Variants in POLN observed in about 807,000 individuals in gnomAD.
The protein encoded by POLN is DNA polymerase N.
A neutral mutation model predicts 113.5 loss-of-function variants in POLN; 108 were observed. The observed-to-expected ratio is 0.95, with a 90% CI of 0.81 to 1.12. The LOEUF is 1.12. Among genes scored for constraint, POLN ranks in the 50% most tolerant of loss-of-function variants. The pLI is 0.00. For missense variants in POLN, 1,097 were observed against 1,077.1 expected (o/e 1.02, Z -0.26); for synonymous variants, 386 against 391.5 (o/e 0.99, Z 0.17).
chr4:2,227,611 A>C (rs926082288), intron 3 of POLN: 3 of 152,208 alleles, frequency 2.0e-5, no homozygotes, highest in African/African-American at 7.2e-5. Flanking sequence ...TAACCTTAAC[A>C]AACAAAAGCC....
intron 24 of POLN, 139 bp downstream of exon 24, chr4:2,075,313 G>A: frequency 2.1e-6 from 2 of 951,518 alleles, no homozygotes; most frequent in Non-Finnish European, 3.1e-6. Context: ...GGACCCAGGT[G>A]ACACAGCAGC....
intron 23 of POLN, chr4:2,080,413 G>A (rs1206930216): frequency 1.8e-6 from 2 of 1,082,122 alleles, no homozygotes; most frequent in African/African-American, 3.4e-5. Flanking sequence ...TGGGCTCGGG[G>A]GTGGGGGCAG....
At chr4:2,239,142 G>A (rs189296051) in intron 2 of POLN, 1 of 586,342 alleles carries the variant, frequency 1.7e-6, no homozygotes, top group Admixed American at 3.6e-5. Context: ...CAGATAATAA[G>A]CTCAATGAAT....
At chr4:2,164,975 G>C (rs1057509187) in intron 13 of POLN, among the ~76,000 whole-genome samples, 6 of 152,012 alleles carry the variant, frequency 3.9e-5, no homozygotes, top group Admixed American at 1.3e-4. Context: ...TTCATTGTTG[G>C]TGGGAATGCA....
chr4:2,235,130 C>T (rs1177126011), intron 2 of POLN, among the ~76,000 whole-genome samples: 4 of 152,308 alleles, frequency 2.6e-5, no homozygotes, highest in East Asian at 3.9e-4. Context: ...GTGATCCACC[C>T]GCCTCAGCCT....
intron 16 of POLN, among the ~76,000 whole-genome samples, chr4:2,142,781 A>T (rs1207244813): frequency 1.3e-5 from 2 of 151,868 alleles, no homozygotes; most frequent in African/African-American, 4.8e-5. Flanking sequence ...TAACTATACT[A>T]CTCCAGCCAA....
chr4:2,207,995 C>T lies in POLN; in HGVS notation c.706G>A (p.Ala236Thr). ...CATCACTGTTTACTAACCTGGTCAG[C>T]TCCTAGCTGGGTGGAACCATCAGTA... ...MYTDGSTQLG[A>T]DQTPVSSVRG... The change falls in exon 5 of 26, where the codon GCT (alanine) becomes ACT (threonine). Residue 236 changes from alanine to threonine, a missense_variant. Ala to Thr is a moderately conservative substitution (Grantham distance 58). Transcript: ENST00000511885. The T allele has an allele frequency of 6.2e-7, 1 of 1,603,304 alleles. No homozygotes were observed. Among genetic ancestry groups the T allele is most frequent in the Non-Finnish European group, 8.5e-7 (1 of 1,176,168 alleles).
At chr4:2,105,416 G>T (rs1731041320) in intron 19 of POLN, among the ~76,000 whole-genome samples, 1 of 152,074 alleles carries the variant, frequency 6.6e-6, no homozygotes, top group Non-Finnish European at 1.5e-5. Context: ...CAGGCATCCA[G>T]TTAAAGGTGG....
intron 16 of POLN, among the ~76,000 whole-genome samples, chr4:2,154,176 C>G (rs1185006991): frequency 9.2e-6 from 1 of 108,224 alleles, no homozygotes; most frequent in African/African-American, 3.6e-5. Context: ...CCAGCCTGGG[C>G]GACAGCGAGA....
At chr4:2,077,958 C>T (rs1369361399) in intron 23 of POLN, among the ~76,000 whole-genome samples, 1 of 152,164 alleles carries the variant, frequency 6.6e-6, no homozygotes, top group Non-Finnish European at 1.5e-5. Flanking sequence ...TGAGAGGGGT[C>T]GGCCACAGAG....
chr4:2,222,618 C>A (rs761144250), intron 3 of POLN, among the ~76,000 whole-genome samples: 1 of 152,108 alleles, frequency 6.6e-6, no homozygotes, highest in East Asian at 1.9e-4. Flanking sequence ...TCTACGGCTA[C>A]AGGCTGTCAC....
At chr4:2,147,750 C>A (rs1732185493) in intron 16 of POLN, among the ~76,000 whole-genome samples, 1 of 147,908 alleles carries the variant, frequency 6.8e-6, no homozygotes, top group Non-Finnish European at 1.5e-5. Flanking sequence ...TTAAGCGATT[C>A]TCCTGCCTCA....
In POLN at chr4:2,201,010, G is replaced by A. The variant is rs574385593; in HGVS notation, c.715-2293C>T. On this transcript the variant is annotated intron_variant, in intron 5 of 25. Transcript: ENST00000511885. ...AGGCCGGGCACTGTGGCTCACGCCT[G>A]TAATCCCAGCACTTTGGGAGGCCAA... is the stretch of plus-strand genomic sequence containing the variant. Among the ~76,000 whole-genome samples, 204 of 152,220 alleles carry A rather than the reference G, an allele frequency of 1.3e-3. 3 individuals are homozygous for A. In the Middle Eastern group the frequency reaches 0.017, roughly 13 times the overall value.
intron 17 of POLN, among the ~76,000 whole-genome samples, chr4:2,130,019 C>T (rs1731681028): frequency 6.6e-6 from 1 of 151,596 alleles, no homozygotes; most frequent in African/African-American, 2.4e-5. Flanking sequence ...TTTGAGAGGC[C>T]GAGATGGGAA....
At chr4:2,074,857 T>A (rs1455071671) in intron 24 of POLN, among the ~76,000 whole-genome samples, 1 of 152,078 alleles carries the variant, frequency 6.6e-6, no homozygotes, top group Non-Finnish European at 1.5e-5. Context: ...CTGGGTGCTG[T>A]GGGGAGGCCC....
At position 2,127,135 on chromosome 4, in the gene POLN, G is replaced by T. The variant is rs1196002968; in HGVS notation, c.1982+978C>A. Among the ~76,000 whole-genome samples, 7 of 151,518 alleles carry T rather than the reference G, an allele frequency of 4.6e-5. No individual in the cohort carries two copies. Among genetic ancestry groups the T allele is most frequent in the Non-Finnish European group, 1.0e-4 (7 of 67,852 alleles). On this transcript the variant is annotated intron_variant, in intron 19 of 25. Transcript: ENST00000511885. The surrounding 1 kb of genome is among the most constrained non-coding windows in gnomAD (Gnocchi z 4.7). ...GAGATGAGCTGGGACGGAGGGTAGG[G>T]AGGGGTGAGGGGGCCATAGGGAGGG...
chr4:2,155,818 G>A (rs1405009117), intron 16 of POLN, among the ~76,000 whole-genome samples: 2 of 151,950 alleles, frequency 1.3e-5, no homozygotes, highest in East Asian at 1.9e-4. Flanking sequence ...AAATAGCATG[G>A]CTTTATTTTT....
At chr4:2,119,778 C>G (rs1731400054) in intron 19 of POLN, among the ~76,000 whole-genome samples, 3 of 152,062 alleles carry the variant, frequency 2.0e-5, no homozygotes, top group Admixed American at 1.3e-4. Flanking sequence ...CTGCTTGGAA[C>G]ATAAAAATTA....
At chr4:2,119,140 T>C (rs759816785) in intron 19 of POLN, among the ~76,000 whole-genome samples, 12 of 152,210 alleles carry the variant, frequency 7.9e-5, no homozygotes, top group Admixed American at 1.3e-4. Context: ...CATTGGCAAG[T>C]AGAGACAGTC....
Sources: allele counts gnomAD v4.1 joint callset (sites outside exome capture counted in the v4.1 genomes callset), GRCh38; gene constraint gnomAD v4.1.1; non-coding constraint Gnocchi (gnomAD v3.1); transcripts MANE v1.5; gene names NCBI Gene and HGNC (gene_info 2026-07-23, HGNC 2026-07-21).